Variants in AGBL4 observed in about 807,000 individuals in gnomAD.
AGBL4 encodes the protein AGBL carboxypeptidase 4.
In AGBL4, 58 loss-of-function variants were observed where a neutral mutation model predicts 66.4. The ratio of observed to expected loss-of-function variants is 0.87; its 90% CI spans 0.71 to 1.09. The LOEUF (loss-of-function observed/expected upper bound fraction) is 1.09, where lower values mean the gene tolerates loss of function less well. AGBL4 is among the 50% of genes least tolerant of loss of function. The pLI is 0.00. For missense variants in AGBL4, 579 were observed against 631.0 expected (o/e 0.92, Z 0.88); for synonymous variants, 234 against 222.9 (o/e 1.05, Z -0.44).
At chr1:48,866,480 C>T (rs535944795) in intron 6 of AGBL4, among the ~76,000 whole-genome samples, 11 of 152,288 alleles carry the variant, frequency 7.2e-5, no homozygotes, top group African/African-American at 2.6e-4. Context: ...ATAACCACCA[C>T]ATCAACTCTC....
chr1:48,781,943 C>A (rs953948829), intron 6 of AGBL4, among the ~76,000 whole-genome samples: 1 of 152,204 alleles, frequency 6.6e-6, no homozygotes, highest in African/African-American at 2.4e-5. Flanking sequence ...ATCATGCATG[C>A]CAGGCGCTGT....
rs191542494 is a variant in AGBL4 at position 49,383,857 on chromosome 1, C to T, written c.283-137993G>A. Among the ~76,000 whole-genome samples, 135 of 151,716 alleles carry T rather than the reference C, an allele frequency of 8.9e-4. 1 individual carries two copies. The highest frequency in any genetic ancestry group is 2.9e-3 in the African/African-American group (122 of 41,368). On this transcript the variant is annotated intron_variant, in intron 3 of 13. Transcript: ENST00000371839. ...CTGTTGCCAGGCTGGAGTACAGTGG[C>T]GTGATCTTGGCTCATTGCGACCGCC...
Position 49,324,298 on chromosome 1 carries a change from G to A in AGBL4, c.283-78434C>T, listed in dbSNP as rs115628944. On this transcript the variant is annotated intron_variant, in intron 3 of 13. Coordinates refer to ENST00000371839, the MANE Select transcript of AGBL4 (RefSeq NM_032785.4). ...AAAATTCATCTCAACCCCTGGCTAT[G>A]AGCCCATGCTCACTGCATTGGGTTC... is the stretch of plus-strand genomic sequence containing the variant. Among the ~76,000 whole-genome samples the A allele has an allele frequency of 2.2e-3, 339 of 152,314 alleles. 2 individuals carry two copies. The highest frequency in any genetic ancestry group is 7.6e-3 in the African/African-American group (314 of 41,578).
intron 5 of AGBL4, among the ~76,000 whole-genome samples, chr1:48,898,465 G>C (rs1352442812): frequency 6.6e-6 from 1 of 152,114 alleles, no homozygotes; most frequent in African/African-American, 2.4e-5. Flanking sequence ...AATCCATTTT[G>C]ATTTGATTTT....
intron 5 of AGBL4, among the ~76,000 whole-genome samples, chr1:48,923,902 A>G (rs1375104394): frequency 6.6e-6 from 1 of 152,172 alleles, no homozygotes; most frequent in Non-Finnish European, 1.5e-5. Flanking sequence ...TTATTAGAGA[A>G]TATTAGAGTA....
intron 2 of AGBL4, among the ~76,000 whole-genome samples, chr1:49,778,941 C>T (rs1644267775): frequency 6.6e-6 from 1 of 152,112 alleles, no homozygotes; most frequent in Non-Finnish European, 1.5e-5. Flanking sequence ...GCACATGTAT[C>T]CCCTGAATCT....
At chr1:49,548,287 GTTTTATTTC>G (rs1270525349) in intron 3 of AGBL4, among the ~76,000 whole-genome samples, 2 of 152,220 alleles carry the variant, frequency 1.3e-5, no homozygotes, top group South Asian at 2.1e-4. Flanking sequence ...ATTTGGATGC[GTTTTATTTC>G]TTTCTCTTGT....
chr1:49,810,677 G>GA (rs1044317269), intron 2 of AGBL4, among the ~76,000 whole-genome samples: 2 of 152,112 alleles, frequency 1.3e-5, no homozygotes, highest in African/African-American at 4.8e-5. Context: ...ATAGCAGACT[G>GA]AAACAAAGGA....
chr1:48,593,358 G>T (rs1386317862), intron 9 of AGBL4, among the ~76,000 whole-genome samples: 1 of 152,174 alleles, frequency 6.6e-6, no homozygotes, highest in Admixed American at 6.5e-5. Context: ...GTTACTTATT[G>T]ATAAACATTT....
chr1:48,646,558 G>T (rs1355155214), intron 8 of AGBL4, among the ~76,000 whole-genome samples: 2 of 60,384 alleles, frequency 3.3e-5, no homozygotes, highest in Non-Finnish European at 7.9e-5. Flanking sequence ...TGTGTGTGCT[G>T]GTGCTGGAAA....
intron 2 of AGBL4, among the ~76,000 whole-genome samples, chr1:49,795,141 G>T (rs1280763343): frequency 1.3e-5 from 2 of 151,628 alleles, no homozygotes; most frequent in African/African-American, 4.8e-5. Context: ...TAAATGAAGA[G>T]AAAATATTAG....
intron 3 of AGBL4, among the ~76,000 whole-genome samples, chr1:49,497,165 A>G (rs1647671859): frequency 6.6e-6 from 1 of 151,908 alleles, no homozygotes; most frequent in Admixed American, 6.6e-5. Flanking sequence ...GGCCATTTGT[A>G]TGTCTTCTTT....
intron 5 of AGBL4, among the ~76,000 whole-genome samples, chr1:49,000,700 C>T (rs1337419084): frequency 6.6e-6 from 1 of 152,172 alleles, no homozygotes; most frequent in African/African-American, 2.4e-5. Flanking sequence ...GACTACTGGA[C>T]TAGCTGCTCT....
intron 4 of AGBL4, among the ~76,000 whole-genome samples, chr1:49,120,242 G>A (rs749070147): frequency 2.6e-5 from 4 of 152,178 alleles, no homozygotes; most frequent in African/African-American, 4.8e-5. Context: ...TATTTTGCCC[G>A]TTAATTGATG....
In AGBL4 at chr1:48,719,072, C is replaced by T. The variant is rs373765965; in HGVS notation, c.635-55831G>A. ...CAAGGTCATGTTCCTGAAACCCACACTCTTTTACTCCACATCCCATGCTGT... is the reference window on the plus strand; with the variant it reads ...CAAGGTCATGTTCCTGAAACCCACATTCTTTTACTCCACATCCCATGCTGT... On this transcript the variant is annotated intron_variant, in intron 6 of 13. Transcript: ENST00000371839. Among the ~76,000 whole-genome samples the T allele has an allele frequency of 9.2e-5, 14 of 152,346 alleles. 1 individual carries two copies. The highest frequency in any genetic ancestry group is 3.4e-4 in the African/African-American group (14 of 41,576).
At chr1:48,616,740 T>TAC (rs1645325099) in intron 9 of AGBL4, among the ~76,000 whole-genome samples, 7 of 152,252 alleles carry the variant, frequency 4.6e-5, no homozygotes. Context: ...AACCCAAAGC[T>TAC]TCAGAATCCT....
At chr1:49,423,536 A>G (rs1193699899) in intron 3 of AGBL4, among the ~76,000 whole-genome samples, 1 of 152,154 alleles carries the variant, frequency 6.6e-6, no homozygotes, top group Non-Finnish European at 1.5e-5. Context: ...TAGGCCAGGC[A>G]TGGTGGCTCA....
At chr1:49,461,438 C>T (rs1396539431) in intron 3 of AGBL4, among the ~76,000 whole-genome samples, 6 of 148,806 alleles carry the variant, frequency 4.0e-5, no homozygotes, top group African/African-American at 7.5e-5. Flanking sequence ...CCTTGATTTC[C>T]GGAAGTTGTG....
At chr1:49,385,705 T>G (rs1219176809) in intron 3 of AGBL4, among the ~76,000 whole-genome samples, 4 of 152,040 alleles carry the variant, frequency 2.6e-5, no homozygotes, top group African/African-American at 9.7e-5. Context: ...CAAAAGAAAC[T>G]AAAAGAAGAG....
Sources: gnomAD v4.1 joint callset for allele counts (sites outside exome capture counted in the v4.1 genomes callset) on GRCh38, gnomAD v4.1.1 for gene constraint, MANE v1.5 for transcripts, NCBI Gene and HGNC (gene_info 2026-07-23, HGNC 2026-07-21) for gene names.